The following CNTNAP2 variants were observed in gnomAD, a reference collection of about 807,000 sequenced individuals.
The protein encoded by CNTNAP2 is contactin-associated protein-like 2.
Under a neutral mutation model 155.2 loss-of-function variants are expected in CNTNAP2, and 98 were observed. The ratio of observed to expected loss-of-function variants is 0.63; its 90% CI spans 0.54 to 0.75. The LOEUF (loss-of-function observed/expected upper bound fraction) is 0.75, where lower values mean the gene tolerates loss of function less well. Among genes scored for constraint, CNTNAP2 ranks in the 30% least tolerant of loss-of-function variants. The pLI is 0.00. For synonymous variants in CNTNAP2, 651 were observed against 631.2 expected (o/e 1.03, Z -0.47); for missense variants, 1,727 against 1,688.1 (o/e 1.02, Z -0.40).
At chr7:147,847,910 G>T (rs2116660762) in intron 13 of CNTNAP2, among the ~76,000 whole-genome samples, 1 of 124,204 alleles carries the variant, frequency 8.1e-6, no homozygotes, top group South Asian at 2.7e-4. Context: ...AGGCTGCTCG[G>T]GGGTCAGGGG....
chr7:146,893,450 T>C (rs1157299354), intron 3 of CNTNAP2, among the ~76,000 whole-genome samples: 1 of 141,998 alleles, frequency 7.0e-6, no homozygotes, highest in Non-Finnish European at 1.5e-5. Context: ...TATGTATATA[T>C]GTGTGTGTGT....
chr7:148,119,552 C>G (rs1429540917), intron 16 of CNTNAP2, among the ~76,000 whole-genome samples: 1 of 151,966 alleles, frequency 6.6e-6, no homozygotes, highest in African/African-American at 2.4e-5. Context: ...AAAAGTCTCC[C>G]TTTGCCAAGT....
intron 2 of CNTNAP2, among the ~76,000 whole-genome samples, chr7:146,824,862 G>GTTTTTTTT (rs370961669): frequency 7.0e-6 from 1 of 143,658 alleles, no homozygotes; most frequent in Non-Finnish European, 1.5e-5. Context: ...TTTTGGACCT[G>GTTTTTTTT]TTTTTTTTTT....
chr7:147,435,822 T>G (rs1224731283), intron 10 of CNTNAP2, among the ~76,000 whole-genome samples: 1 of 152,230 alleles, frequency 6.6e-6, no homozygotes, highest in East Asian at 1.9e-4. Context: ...TAGCACCTAT[T>G]GCTAGTATTG....
At chr7:147,592,509 C>T (rs1800756191) in intron 12 of CNTNAP2, among the ~76,000 whole-genome samples, 1 of 146,148 alleles carries the variant, frequency 6.8e-6, no homozygotes, top group African/African-American at 2.5e-5. Context: ...TTAAGCTGTA[C>T]ACAATTTATT....
At chr7:146,562,698 T>A (rs1485452548) in intron 1 of CNTNAP2, among the ~76,000 whole-genome samples, 1 of 152,182 alleles carries the variant, frequency 6.6e-6, no homozygotes, top group Non-Finnish European at 1.5e-5. Flanking sequence ...TAGCTTTCAT[T>A]TTTATGATAA....
At chr7:147,103,562 C>G (rs937715883) in intron 4 of CNTNAP2, among the ~76,000 whole-genome samples, 1 of 151,888 alleles carries the variant, frequency 6.6e-6, no homozygotes, top group African/African-American at 2.4e-5. Flanking sequence ...TACATTTTTA[C>G]TATTTTTTTA....
At chr7:147,563,272 ACACGGTAAACCTT>A (rs1800099923) in intron 12 of CNTNAP2, among the ~76,000 whole-genome samples, 1 of 152,178 alleles carries the variant, frequency 6.6e-6, no homozygotes. Flanking sequence ...ATTGTCTAAC[ACACGGTAAACCTT>A]CAATAAAAGT....
chr7:147,985,910 C>T (rs1181339740), intron 15 of CNTNAP2, among the ~76,000 whole-genome samples: 1 of 152,152 alleles, frequency 6.6e-6, no homozygotes, highest in East Asian at 1.9e-4. Context: ...CTTTGGAGTT[C>T]TCTAATGGAG....
intron 11 of CNTNAP2, among the ~76,000 whole-genome samples, chr7:147,514,914 T>C (rs1799092009): frequency 6.6e-6 from 1 of 152,162 alleles, no homozygotes; most frequent in African/African-American, 2.4e-5. Context: ...CCCTATTCAC[T>C]CTCATCACAG....
At chr7:146,485,753 T>A (rs1489181285) in intron 1 of CNTNAP2, among the ~76,000 whole-genome samples, 1 of 151,964 alleles carries the variant, frequency 6.6e-6, no homozygotes, top group East Asian at 1.9e-4. Flanking sequence ...CCTCCTGCCA[T>A]GGAGCTTCCT....
chr7:146,750,228 A>G (rs1801880343), intron 1 of CNTNAP2, among the ~76,000 whole-genome samples: 1 of 151,920 alleles, frequency 6.6e-6, no homozygotes, highest in Admixed American at 6.6e-5. Flanking sequence ...TACAGATTCC[A>G]TTTTGTTCTC....
intron 1 of CNTNAP2, among the ~76,000 whole-genome samples, chr7:146,319,613 C>A (rs556438016): frequency 1.4e-4 from 21 of 152,186 alleles, no homozygotes; most frequent in Admixed American, 3.9e-4. Flanking sequence ...CTCTTTGAAG[C>A]CAGGCTTGAC....
intron 3 of CNTNAP2, among the ~76,000 whole-genome samples, chr7:146,851,662 G>GTA (rs1794881469): frequency 1.4e-5 from 1 of 72,386 alleles, no homozygotes; most frequent in Non-Finnish European, 3.4e-5. Context: ...GTGTGTGTGT[G>GTA]TGTGTGTGTG....
intron 12 of CNTNAP2, among the ~76,000 whole-genome samples, chr7:147,616,315 A>G (rs888549035): frequency 2.0e-5 from 3 of 152,176 alleles, no homozygotes; most frequent in African/African-American, 4.8e-5. Context: ...ACCACACATG[A>G]GCCACAATTA....
intron 13 of CNTNAP2, among the ~76,000 whole-genome samples, chr7:147,682,928 T>C (rs1476859683): frequency 2.0e-5 from 3 of 151,764 alleles, no homozygotes; most frequent in Non-Finnish European, 4.4e-5. Flanking sequence ...CATAAAGCAA[T>C]TTGAAAGCTA....
At chr7:146,847,150 GTACCTACAAATAATTTGAATAAGA>G (rs1803857637) in intron 3 of CNTNAP2, among the ~76,000 whole-genome samples, 2 of 151,764 alleles carry the variant, frequency 1.3e-5, no homozygotes, top group Non-Finnish European at 2.9e-5. Flanking sequence ...TGATAAATGG[GTACCTACAAATAATTTGAATAAGA>G]TATCAGTTCC....
rs10447739 is a variant in CNTNAP2, at chr7:146,200,488, G to A, written c.97+83515G>A. Among the ~76,000 whole-genome samples, 977 of 144,842 alleles carry A rather than the reference G, an allele frequency of 6.7e-3. 5 individuals carry two copies. The highest frequency in any genetic ancestry group is 0.016 in the South Asian group (69 of 4,450). Reference sequence around the variant, plus strand: ...CAGCCTGGTGACAGAGCAATACTCCGTCTAAACATATATATATATATACAC... The same window carrying A: ...CAGCCTGGTGACAGAGCAATACTCCATCTAAACATATATATATATATACAC... On this transcript the variant is annotated intron_variant, in intron 1 of 23. Transcript: ENST00000361727.
chr7:146,125,581 CAAAAAAAAAAAAAA>C lies in CNTNAP2; in HGVS notation c.97+8620_97+8633del, dbSNP rs57234097. 5.1e-5 allele frequency among the ~76,000 whole-genome samples: 3 copies of C among 58,878 alleles called. 1 individual carries two copies. In the South Asian group the frequency reaches 2.4e-3, roughly 47 times the overall value. 38.6% of individuals were successfully genotyped at this position (58,878 alleles called of 152,430 possible). A position where few individuals can be genotyped will look rare whatever the true frequency, so the allele number is the denominator to read the frequency against. The stretch of plus-strand genomic sequence containing the variant: ...ACAGAGCAGAGCGAGACTCCGTCTC[CAAAAAAAAAAAAAA>C]AAAAAAAAAAAGAATAACTATTTTA... On this transcript the variant is annotated intron_variant, in intron 1 of 23. Coordinates refer to ENST00000361727, the MANE Select transcript of CNTNAP2 (RefSeq NM_014141.6).
Sources: gnomAD v4.1 joint callset for allele counts (sites outside exome capture counted in the v4.1 genomes callset) on GRCh38, gnomAD v4.1.1 for gene constraint, MANE v1.5 for transcripts, NCBI Gene and HGNC (gene_info 2026-07-23, HGNC 2026-07-21) for gene names.